The following PATL2 variants were observed in gnomAD, a reference collection of about 807,000 sequenced individuals.
PATL2 encodes the protein protein PAT1 homolog 2.
Under a neutral mutation model 77.0 loss-of-function variants are expected in PATL2, and 73 were observed. The ratio of observed to expected loss-of-function variants is 0.95; its 90% CI spans 0.78 to 1.15. The LOEUF (loss-of-function observed/expected upper bound fraction) is 1.15, where lower values mean the gene tolerates loss of function less well. Ranked by LOEUF, PATL2 falls within the 50% of genes most tolerant of loss-of-function variation. The pLI is 0.00. For missense variants in PATL2, 618 were observed against 655.4 expected, an observed-to-expected ratio of 0.94 and a Z score of 0.62; for synonymous variants, 265 against 257.1, an observed-to-expected ratio of 1.03 and a Z score of -0.29.
chr15:44,697,879 C>T lies in PATL2; in HGVS notation c.-76+12217G>A, dbSNP rs540238723. ...TTCTAGGTTGTTGTGTAGTTTGGGT[C>T]AGCAGCTTTCCCACTTTTTTTTTAT... On this transcript the variant is annotated intron_variant, in intron 3 of 17. Transcript: ENST00000682850. Among the ~76,000 whole-genome samples the T allele has an allele frequency of 3.9e-5, 6 of 152,050 alleles. 1 individual carries two copies. In the South Asian group the frequency reaches 1.2e-3, roughly 32 times the overall value.
chr15:44,672,150 T>C lies in PATL2; in HGVS notation c.522A>G (p.Pro174=). The C allele has an allele frequency of 6.4e-7, 1 of 1,551,690 alleles. No individual in the cohort carries two copies. The highest frequency in any genetic ancestry group is 8.7e-7 in the Non-Finnish European group (1 of 1,146,978). Residue 174 remains proline, a synonymous_variant, in exon 9 of 18, where the codon CCA becomes CCG. Coordinates refer to ENST00000682850, the MANE Select transcript of PATL2 (RefSeq NM_001387263.1). ...QQQHSQTPSP[P]AKKPWSQQPD... is the part of the protein sequence containing the mutation. ...GCTGCTGAGACCAAGGCTTCTTGGC[T>C]GGGGGACTTTAAGCCAGGAGGAACA...
rs933165876 is a variant in PATL2 at position 44,703,723 on chromosome 15, C to CTTTTTTT, written c.-76+6366_-76+6372dup. On this transcript the variant is annotated intron_variant, in intron 3 of 17. Transcript: ENST00000682850. ...GTAGGCAACAAATCACCGGGTCTTG[C>CTTTTTTT]TTTTTTTTTTTTTTTTTTTTTTTTT... Among the ~76,000 whole-genome samples, 30 of 33,016 alleles carry CTTTTTTT rather than the reference C, an allele frequency of 9.1e-4. 5 individuals are homozygous for CTTTTTTT. Among genetic ancestry groups the CTTTTTTT allele is most frequent in the African/African-American group, 2.3e-3 (23 of 9,812 alleles). 21.7% of individuals were successfully genotyped at this position (33,016 alleles called of 152,430 possible).
At position 44,677,546 on chromosome 15, in the gene PATL2, G is replaced by C. The variant is rs114037337; in HGVS notation, c.-75-981C>G. Among the ~76,000 whole-genome samples the C allele has an allele frequency of 6.8e-3, 1,038 of 152,198 alleles. 14 individuals carry two copies. The highest frequency in any genetic ancestry group is 0.024 in the African/African-American group (989 of 41,502). On this transcript the variant is annotated intron_variant, in intron 3 of 17. Coordinates refer to ENST00000682850, the MANE Select transcript of PATL2 (RefSeq NM_001387263.1). The stretch of plus-strand genomic sequence containing the variant: ...CAAAAACAAAAACATAGCTGCTCCT[G>C]GTAGGCAAAACCCAACACCCTCCCA...
intron 2 of PATL2, among the ~76,000 whole-genome samples, chr15:44,710,613 A>C (rs892044045): frequency 6.6e-6 from 1 of 152,212 alleles, no homozygotes; most frequent in African/African-American, 2.4e-5. Flanking sequence ...CCTGTCCATA[A>C]AATGAATGGG....
At chr15:44,688,262 A>C (rs1431609526) in intron 3 of PATL2, among the ~76,000 whole-genome samples, 2 of 150,392 alleles carry the variant, frequency 1.3e-5, no homozygotes, top group Non-Finnish European at 1.5e-5. Flanking sequence ...AAAAAAAAAA[A>C]CTAGCTAAAT....
chr15:44,701,698 C>CAAAAAA (rs77174261), intron 3 of PATL2, among the ~76,000 whole-genome samples: 2 of 52,776 alleles, frequency 3.8e-5, no homozygotes, highest in African/African-American at 7.0e-5. Flanking sequence ...GACCCTGTCT[C>CAAAAAA]AAAAAAAAAA....
At chr15:44,696,889 A>G (rs2086515326) in intron 3 of PATL2, among the ~76,000 whole-genome samples, 1 of 152,214 alleles carries the variant, frequency 6.6e-6, no homozygotes, top group Non-Finnish European at 1.5e-5. Context: ...CCTGGTGGGC[A>G]GGGTCTGGCG....
chr15:44,667,986 T>C (rs1327308535), intron 15 of PATL2, among the ~76,000 whole-genome samples: 1 of 152,072 alleles, frequency 6.6e-6, no homozygotes, highest in Non-Finnish European at 1.5e-5. Context: ...TTATTACTAG[T>C]GTTACATGTA....
intron 3 of PATL2, among the ~76,000 whole-genome samples, chr15:44,695,152 G>A (rs187079145): frequency 6.6e-6 from 1 of 151,438 alleles, no homozygotes; most frequent in East Asian, 1.9e-4. Flanking sequence ...TTGCACCATT[G>A]CACTCCAGCC....
rs1595958040 is a variant in PATL2 at position 44,669,211 on chromosome 15, C to T, written c.1064+69G>A. 7 of 1,525,732 alleles carry T rather than the reference C, an allele frequency of 4.6e-6. No homozygotes were observed. In the Admixed American group the frequency reaches 8.1e-5, roughly 18 times the overall value. 94.5% of individuals were successfully genotyped at this position (1,525,732 alleles called of 1,614,324 possible). A position where few individuals can be genotyped will look rare whatever the true frequency, so the allele number is the denominator to read the frequency against. On this transcript the variant is annotated intron_variant, in intron 13 of 17. Transcript: ENST00000682850. The stretch of plus-strand genomic sequence containing the variant: ...AGGGCTACATGCCACAAAGGAGAGG[C>T]AGAAGCAAGACCAGTGTCTTTGCTG...
intron 3 of PATL2, among the ~76,000 whole-genome samples, chr15:44,681,418 T>G (rs1234242633): frequency 6.6e-6 from 1 of 152,196 alleles, no homozygotes; most frequent in Non-Finnish European, 1.5e-5. Flanking sequence ...TCCTTGGATC[T>G]CTGTGCTCCC....
At chr15:44,675,193 A>G (rs1388777027) in intron 5 of PATL2, 1 of 361,310 alleles carries the variant, frequency 2.8e-6, no homozygotes, top group Non-Finnish European at 5.0e-6. Flanking sequence ...GGGGCCCAGG[A>G]TCAGGCAAAC....
chr15:44,668,951 A>G, intron 14 of PATL2, 29 bp downstream of exon 14: 1 of 1,503,634 alleles, frequency 6.7e-7, no homozygotes, highest in Non-Finnish European at 8.9e-7. Flanking sequence ...TCAGGAGACC[A>G]TCCTCTTCTC....
intron 15 of PATL2, 110 bp from the exon 16 acceptor site, chr15:44,667,313 G>T: frequency 1.3e-6 from 1 of 793,646 alleles, no homozygotes; most frequent in Non-Finnish European, 2.1e-6. Flanking sequence ...TTTAGAGATA[G>T]AGCTCAAAAT....
chr15:44,675,673 C>G lies in PATL2; in HGVS notation c.35G>C (p.Gly12Ala), dbSNP rs1038569154. 18 of 1,550,408 alleles carry G rather than the reference C, an allele frequency of 1.2e-5. No homozygotes were observed. The Admixed American group carries it at 2.7e-4, about 24-fold the overall frequency. ...CAGCTCCTCCTCAGAAGCCAAGGGGCCACAGGTCTTACCTGGCCCTTGGTT... is the reference window on the plus strand; with the variant it reads ...CAGCTCCTCCTCAGAAGCCAAGGGGGCACAGGTCTTACCTGGCCCTTGGTT... ...NCLEGPGKTC[G>A]PLASEEELVS... is the part of the protein sequence containing the mutation. The change falls in exon 5 of 18, where the codon GGC becomes GCC. Residue 12 changes from glycine to alanine, a missense_variant. Gly to Ala is a moderately conservative substitution (Grantham distance 60, BLOSUM62 0). Transcript: ENST00000682850.
In PATL2 at chr15:44,674,248, A is replaced by G; in HGVS notation, c.223-18T>C. ...AGAGCTCTCTGGAACAGGAGGGAGG[A>G]AAAACCAGGCTCAAATGGGCCCCTG... On this transcript the variant is annotated intron_variant, in intron 5 of 17. Transcript: ENST00000682850. The G allele has an allele frequency of 6.6e-7, 1 of 1,517,870 alleles. No homozygotes were observed. The highest frequency in any genetic ancestry group is 8.9e-7 in the Non-Finnish European group (1 of 1,119,306). The allele number at this position is 1,517,870 out of a possible 1,614,324, so 94.0% of individuals were successfully genotyped here. A position where few individuals can be genotyped will look rare whatever the true frequency, so the allele number is the denominator to read the frequency against.
intron 6 of PATL2, among the ~76,000 whole-genome samples, chr15:44,673,761 G>A (rs1002440911): frequency 6.6e-6 from 1 of 152,040 alleles, no homozygotes; most frequent in African/African-American, 2.4e-5. Context: ...ATTCCTTCTA[G>A]TTCTCCCTGA....
chr15:44,672,936 A>T (rs2085762982), intron 7 of PATL2, among the ~76,000 whole-genome samples: 1 of 151,782 alleles, frequency 6.6e-6, no homozygotes, highest in East Asian at 1.9e-4. Flanking sequence ...ATTTTTGTAT[A>T]TTTAGTGGAG....
At chr15:44,690,318 A>C (rs1321946671) in intron 3 of PATL2, among the ~76,000 whole-genome samples, 1 of 152,124 alleles carries the variant, frequency 6.6e-6, no homozygotes, top group Non-Finnish European at 1.5e-5. Context: ...GGCAAATATA[A>C]AACCACAAAT....
Sources: gnomAD v4.1 joint callset for allele counts (sites outside exome capture counted in the v4.1 genomes callset) on GRCh38, gnomAD v4.1.1 for gene constraint, MANE v1.5 for transcripts, NCBI Gene and HGNC (gene_info 2026-07-23, HGNC 2026-07-21) for gene names.